CLVS1: variants seen among roughly 807,000 people sequenced by gnomAD.
CLVS1 encodes the protein clavesin 1, also known as clavesin-1.
CLVS1 carries 10 observed loss-of-function variants against 33.1 expected under a neutral mutation model. The ratio of observed to expected loss-of-function variants is 0.30; its 90% CI spans 0.19 to 0.51. CLVS1 has a LOEUF of 0.51. Ranked by LOEUF, CLVS1 falls within the 20% of genes least tolerant of loss-of-function variation. CLVS1 has a pLI of 0.97. For synonymous variants in CLVS1, 163 were observed against 166.1 expected (o/e 0.98, Z 0.14); for missense variants, 343 against 433.4 (o/e 0.79, Z 1.85).
intron 2 of CLVS1, among the ~76,000 whole-genome samples, chr8:61,167,241 C>T (rs1806888857): frequency 6.8e-6 from 1 of 147,744 alleles, no homozygotes; most frequent in Non-Finnish European, 1.5e-5. Context: ...GTTGCCCAGG[C>T]TGGAGTGCAA....
chr8:61,216,509 C>A (rs1271376868), intron 2 of CLVS1, among the ~76,000 whole-genome samples: 2 of 152,186 alleles, frequency 1.3e-5, no homozygotes, highest in Non-Finnish European at 2.9e-5. Context: ...CATAGGCACT[C>A]CAATGTGTCT....
intron 2 of CLVS1, among the ~76,000 whole-genome samples, chr8:61,152,358 G>T (rs1008753277): frequency 1.1e-4 from 17 of 152,146 alleles, no homozygotes; most frequent in Non-Finnish European, 5.9e-5. Flanking sequence ...ACTACCTCCT[G>T]TCTCAGCCCG....
intron 3 of CLVS1, among the ~76,000 whole-genome samples, chr8:61,409,029 A>T (rs183001439): frequency 3.3e-5 from 5 of 152,320 alleles, no homozygotes; most frequent in African/African-American, 1.2e-4. Context: ...CCCTAAGGGG[A>T]ACAGAAAAGA....
intron 5 of CLVS1, among the ~76,000 whole-genome samples, chr8:61,476,732 G>A (rs1391017715): frequency 6.6e-6 from 1 of 152,160 alleles, no homozygotes; most frequent in African/African-American, 2.4e-5. Context: ...ATACAATCAT[G>A]TCATCTTCAA....
At chr8:60,999,875 C>G in the CLVS1 span, among the ~76,000 whole-genome samples, 1 of 152,088 alleles carries the variant, frequency 6.6e-6, no homozygotes, top group Non-Finnish European at 1.5e-5. Flanking sequence ...GAGAAAGGTT[C>G]ACAGGGGAGA....
In CLVS1 at chr8:61,169,692, C is replaced by T. The variant is rs866611888; in HGVS notation, c.-152+37832C>T. Among the ~76,000 whole-genome samples, 30 of 152,244 alleles carry T rather than the reference C, an allele frequency of 2.0e-4. No homozygotes were observed. In the Middle Eastern group the frequency reaches 0.014, roughly 69 times the overall value. The stretch of plus-strand genomic sequence containing the variant: ...TAATTCCCCTAAAATTATTTACTAC[C>T]TCTCAAAATTGCTTACACCCCACCT... On this transcript the variant is annotated intron_variant, in intron 2 of 2. Coordinates refer to the CLVS1 transcript ENST00000522621.
intron 1 of CLVS1, among the ~76,000 whole-genome samples, chr8:61,116,643 CT>C (rs1394106808): frequency 2.4e-4 from 37 of 151,476 alleles, no homozygotes; most frequent in African/African-American, 9.0e-4. Context: ...TTCCCCATTG[CT>C]TGTTTTTCTC....
intron 2 of CLVS1, among the ~76,000 whole-genome samples, chr8:61,276,104 T>G (rs1298421720): frequency 6.6e-6 from 1 of 152,192 alleles, no homozygotes; most frequent in African/African-American, 2.4e-5. Flanking sequence ...AAGAAACCTA[T>G]GCTTGGGATT....
chr8:61,134,531 C>G (rs1026316217), intron 2 of CLVS1, among the ~76,000 whole-genome samples: 1 of 152,222 alleles, frequency 6.6e-6, no homozygotes, highest in Admixed American at 6.5e-5. Flanking sequence ...AACATAGGAA[C>G]AGGGAGTCAG....
the CLVS1 span, among the ~76,000 whole-genome samples, chr8:60,977,639 GA>G: frequency 6.6e-6 from 1 of 152,078 alleles, no homozygotes; most frequent in Non-Finnish European, 1.5e-5. Flanking sequence ...GGAGCAGAAA[GA>G]AAAAAGAATG....
At chr8:61,280,658 C>T (rs962150213) in intron 2 of CLVS1, among the ~76,000 whole-genome samples, 13 of 152,148 alleles carry the variant, frequency 8.5e-5, no homozygotes, top group Admixed American at 1.3e-4. Flanking sequence ...TATACATTTC[C>T]GTGGGCCTTT....
intron 3 of CLVS1, among the ~76,000 whole-genome samples, chr8:61,423,942 C>T (rs1242832120): frequency 6.6e-6 from 1 of 152,046 alleles, no homozygotes; most frequent in African/African-American, 2.4e-5. Flanking sequence ...AGTAATTTGC[C>T]GAGACATGGA....
rs200068866 is a variant in CLVS1, at chr8:61,113,046, CTG to C, written c.-242-18721_-242-18720del. Among the ~76,000 whole-genome samples, 717 of 152,212 alleles carry C rather than the reference CTG, an allele frequency of 4.7e-3. 3 individuals carry two copies. Among genetic ancestry groups the C allele is most frequent in the Non-Finnish European group, 7.8e-3 (533 of 68,014 alleles). On this transcript the variant is annotated intron_variant, in intron 1 of 2. Coordinates refer to the CLVS1 transcript ENST00000522621. ...GCTATGGCATCTGGAGCATTGGAAACTGTGGGACAGGAGGCGGCCCTCACTGT... is the reference window on the plus strand; with the variant it reads ...GCTATGGCATCTGGAGCATTGGAAACTGGGACAGGAGGCGGCCCTCACTGT...
rs139686902 is a variant in CLVS1, at chr8:61,392,264, G to T, written c.630+15485G>T. On this transcript the variant is annotated intron_variant, in intron 3 of 5. Transcript: ENST00000325897. ...GGAGGATCTCTTGAGACAAGGAGTT[G>T]GAGGCTGCAGTGAGCTATGATTGCA... Among the ~76,000 whole-genome samples, 811 of 152,068 alleles carry T rather than the reference G, an allele frequency of 5.3e-3. 9 individuals are homozygous for T. Among genetic ancestry groups the T allele is most frequent in the African/African-American group, 0.018 (764 of 41,464 alleles).
At chr8:61,242,900 A>G (rs887719018) in intron 2 of CLVS1, among the ~76,000 whole-genome samples, 5 of 150,374 alleles carry the variant, frequency 3.3e-5, no homozygotes, top group African/African-American at 1.2e-4. Context: ...CTCTTTGAGC[A>G]TAGTAATAAT....
intron 3 of CLVS1, among the ~76,000 whole-genome samples, chr8:61,417,892 CTT>C (rs1039811566): frequency 1.2e-4 from 19 of 152,324 alleles, no homozygotes; most frequent in African/African-American, 4.6e-4. Flanking sequence ...TGTCCTCACT[CTT>C]AGAGCCAACA....
intron 2 of CLVS1, among the ~76,000 whole-genome samples, chr8:61,265,797 C>T (rs2581543): frequency 6.6e-6 from 1 of 152,180 alleles, no homozygotes; most frequent in Non-Finnish European, 1.5e-5. Context: ...CCACTCAGGT[C>T]CTGCCTTCTT....
intron 3 of CLVS1, among the ~76,000 whole-genome samples, chr8:61,418,785 G>C (rs1815541031): frequency 6.6e-6 from 1 of 152,204 alleles, no homozygotes; most frequent in African/African-American, 2.4e-5. Context: ...ATCAACAAGA[G>C]AGCAGCTGAG....
At position 61,254,620 on chromosome 8, in the gene CLVS1, C is replaced by T. The variant is rs188559314; in HGVS notation, c.-151-45057C>T. ...TTACCTACTCAAGCCTCAGCAATGG[C>T]GGGCACCCCTCCCCCAGCCTCACTG... On this transcript the variant is annotated intron_variant, in intron 2 of 2. Coordinates refer to the CLVS1 transcript ENST00000522621. 2.0e-3 allele frequency among the ~76,000 whole-genome samples: 306 copies of T among 152,238 alleles called. 1 individual carries two copies. Among genetic ancestry groups the T allele is most frequent in the Middle Eastern group, 6.8e-3 (2 of 294 alleles).
Sources: gnomAD v4.1 joint callset for allele counts (sites outside exome capture counted in the v4.1 genomes callset) on GRCh38, gnomAD v4.1.1 for gene constraint, MANE v1.5 for transcripts, NCBI Gene and HGNC (gene_info 2026-07-23, HGNC 2026-07-21) for gene names.